The following MYT1L variants were observed in gnomAD, a reference collection of about 807,000 sequenced individuals.
MYT1L encodes the protein myelin transcription factor 1 like, also known as myelin transcription factor 1-like protein.
A neutral mutation model predicts 126.7 loss-of-function variants in MYT1L; 12 were observed. The observed-to-expected ratio is 0.09, with a 90% CI of 0.06 to 0.15. MYT1L has a LOEUF of 0.15. Ranked by LOEUF, MYT1L falls within the 10% of genes least tolerant of loss-of-function variation. MYT1L has a pLI of 1.00. For synonymous variants in MYT1L, 541 were observed against 604.2 expected (o/e 0.90, Z 1.53); for missense variants, 979 against 1,585.2 (o/e 0.62, Z 6.49).
At chr2:2,149,080 T>C (rs2085333370) in intron 3 of MYT1L, among the ~76,000 whole-genome samples, 1 of 152,174 alleles carries the variant, frequency 6.6e-6, no homozygotes, top group Non-Finnish European at 1.5e-5. Context: ...TGCAGGTTTA[T>C]TCTCCCTTCT....
At position 1,811,451 on chromosome 2, in the gene MYT1L, A is replaced by C. The variant is rs2036638430; in HGVS notation, c.3081-2284T>G. The C allele has an allele frequency of 6.6e-6, 1 of 151,896 alleles. No individual in the cohort carries two copies. Among genetic ancestry groups the C allele is most frequent in the Non-Finnish European group, 1.5e-5 (1 of 68,098 alleles). 9.4% of individuals were successfully genotyped at this position (151,896 alleles called of 1,614,324 possible). A position where few individuals can be genotyped will look rare whatever the true frequency, so the allele number is the denominator to read the frequency against. ...CCGCGTCCTATCCCATCCCAGGGCA[A>C]GCCGCACGGGAAGCCCCAGGAGCAG... is the stretch of plus-strand genomic sequence containing the variant. On this transcript the variant is annotated intron_variant, in intron 21 of 24. Coordinates refer to ENST00000647738, the MANE Select transcript of MYT1L (RefSeq NM_001303052.2). The surrounding 1 kb of genome is among the most constrained non-coding windows in gnomAD (Gnocchi z 4.4).
At chr2:1,810,661 A>AT (rs144906104) in intron 21 of MYT1L, among the ~76,000 whole-genome samples, 6,373 of 152,236 alleles carry the variant, frequency 0.042, 156 homozygotes, top group East Asian at 0.072. Context: ...TCTAAATATT[A>AT]TTTTTGTAAT....
rs377687174 is a variant in MYT1L at position 2,245,266 on chromosome 2, T to G, written c.-421+39138A>C. ...ACGACCTTCGGCAGGCTCCAACACC[T>G]ACATCAAAGCATGTGCTGGGCCGAC... On this transcript the variant is annotated intron_variant, in intron 2 of 24. Coordinates refer to ENST00000647738, the MANE Select transcript of MYT1L (RefSeq NM_001303052.2). Among the ~76,000 whole-genome samples the G allele has an allele frequency of 5.3e-4, 81 of 152,188 alleles. 1 individual carries two copies. The highest frequency in any genetic ancestry group is 1.9e-3 in the African/African-American group (79 of 41,566).
chr2:2,306,770 A>G (rs2149568054), intron 1 of MYT1L, among the ~76,000 whole-genome samples: 1 of 152,286 alleles, frequency 6.6e-6, no homozygotes, highest in South Asian at 2.1e-4. Flanking sequence ...TCTTCACACC[A>G]ACAGAGATTT....
intron 2 of MYT1L, among the ~76,000 whole-genome samples, chr2:2,248,402 A>G (rs1456393537): frequency 2.0e-5 from 3 of 152,130 alleles, no homozygotes; most frequent in African/African-American, 4.8e-5. Context: ...TCTAGTAAAG[A>G]AAAGCCCAGG....
At chr2:1,824,421 C>G (rs2039006369) in intron 21 of MYT1L, 1 of 152,298 alleles carries the variant, frequency 6.6e-6, no homozygotes, top group Non-Finnish European at 1.5e-5. Flanking sequence ...CAGAACATGT[C>G]TGACGTCAGC....
intron 1 of MYT1L, among the ~76,000 whole-genome samples, chr2:2,320,068 T>G (rs997320978): frequency 3.9e-5 from 6 of 152,202 alleles, no homozygotes; most frequent in East Asian, 1.9e-4. Flanking sequence ...CTGAAAACTT[T>G]AAAATGCAGA....
In MYT1L at chr2:1,979,817, C is replaced by A; in HGVS notation, c.1-40G>T. On this transcript the variant is annotated intron_variant, in intron 5 of 24. Coordinates refer to ENST00000647738, the MANE Select transcript of MYT1L (RefSeq NM_001303052.2). This position sits in a 1 kb window ranked among gnomAD's most constrained non-coding sequence, Gnocchi z 4.0. ...GCAGCCATCAATGTGCTTATCCTGC[C>A]TGTGCAGGCCAGCCCTGCAGGGGCG... 1 of 1,608,196 alleles carries A rather than the reference C, an allele frequency of 6.2e-7. No homozygotes were observed. Among genetic ancestry groups the A allele is most frequent in the Non-Finnish European group, 8.5e-7 (1 of 1,175,244 alleles).
intron 9 of MYT1L, among the ~76,000 whole-genome samples, chr2:1,934,553 T>TA (rs1427625177): frequency 6.6e-6 from 1 of 151,856 alleles, no homozygotes; most frequent in Non-Finnish European, 1.5e-5. Context: ...ATTAAGGGAT[T>TA]AAAAAAATAA....
chr2:2,013,660 C>A (rs2149779260), intron 4 of MYT1L, among the ~76,000 whole-genome samples: 1 of 152,362 alleles, frequency 6.6e-6, no homozygotes, highest in East Asian at 1.9e-4. Flanking sequence ...AGATCGGGGA[C>A]ATGCTGGAGG....
intron 2 of MYT1L, among the ~76,000 whole-genome samples, chr2:2,273,189 A>G (rs1219581516): frequency 6.6e-6 from 1 of 152,158 alleles, no homozygotes; most frequent in Non-Finnish European, 1.5e-5. Flanking sequence ...TGGGGCACCA[A>G]TGGCCTATTT....
At chr2:1,826,289 C>A (rs12991345) in intron 21 of MYT1L, among the ~76,000 whole-genome samples, 1 of 152,302 alleles carries the variant, frequency 6.6e-6, no homozygotes, top group East Asian at 1.9e-4. Context: ...CGGCTTCCTG[C>A]GCTGGCGCAG....
intron 3 of MYT1L, among the ~76,000 whole-genome samples, chr2:2,057,968 T>A (rs2069829971): frequency 6.6e-6 from 1 of 152,172 alleles, no homozygotes; most frequent in Non-Finnish European, 1.5e-5. Flanking sequence ...GAGAGTGGGA[T>A]AGCTGGGTCA....
chr2:2,056,293 C>A (rs902703064), intron 3 of MYT1L, among the ~76,000 whole-genome samples: 12 of 152,182 alleles, frequency 7.9e-5, no homozygotes, highest in African/African-American at 2.9e-4. Flanking sequence ...TGAGGACACA[C>A]CCTCACAAAC....
At chr2:2,212,011 G>A (rs924069854) in intron 2 of MYT1L, among the ~76,000 whole-genome samples, 7 of 152,016 alleles carry the variant, frequency 4.6e-5, no homozygotes, top group African/African-American at 1.7e-4. Flanking sequence ...AAATGCCAGT[G>A]GAAGAGTCAG....
At chr2:2,184,615 C>G (rs368836045) in intron 2 of MYT1L, among the ~76,000 whole-genome samples, 1 of 152,108 alleles carries the variant, frequency 6.6e-6, no homozygotes, top group Non-Finnish European at 1.5e-5. Context: ...TCTGTCCAAA[C>G]AAAGGAATAA....
At chr2:1,837,002 G>T (rs1424369888) in intron 21 of MYT1L, among the ~76,000 whole-genome samples, 2 of 152,220 alleles carry the variant, frequency 1.3e-5, no homozygotes, top group Non-Finnish European at 2.9e-5. Flanking sequence ...TGAGGGTCTA[G>T]CAGCAGAAAT....
intron 2 of MYT1L, among the ~76,000 whole-genome samples, chr2:2,186,571 A>G (rs922862955): frequency 2.0e-5 from 3 of 152,154 alleles, no homozygotes; most frequent in African/African-American, 4.8e-5. Flanking sequence ...GCATTTGTAA[A>G]GTCTCCATGT....
chr2:1,831,023 CA>C (rs1232130836), intron 21 of MYT1L, among the ~76,000 whole-genome samples: 2 of 152,200 alleles, frequency 1.3e-5, no homozygotes, highest in Admixed American at 6.5e-5. Context: ...CTCCAGTGGC[CA>C]ACACGTGGTC....
Sources: allele counts gnomAD v4.1 joint callset (sites outside exome capture counted in the v4.1 genomes callset), GRCh38; gene constraint gnomAD v4.1.1; non-coding constraint Gnocchi (gnomAD v3.1); transcripts MANE v1.5; gene names NCBI Gene and HGNC (gene_info 2026-07-23, HGNC 2026-07-21).